Variants in EPM2A observed in about 807,000 individuals in gnomAD.
EPM2A encodes the protein laforin.
EPM2A carries 21 observed loss-of-function variants against 26.5 expected under a neutral mutation model. That is an observed-to-expected ratio of 0.79 (90% CI 0.56 to 1.14). EPM2A has a LOEUF of 1.14. Among genes scored for constraint, EPM2A ranks in the 50% most tolerant of loss-of-function variants. The pLI is 0.00. For missense variants in EPM2A, 458 were observed against 440.8 expected, an observed-to-expected ratio of 1.04 and a Z score of -0.35; for synonymous variants, 217 against 177.6, an observed-to-expected ratio of 1.22 and a Z score of -1.76.
intron 1 of EPM2A, among the ~76,000 whole-genome samples, chr6:145,703,026 C>T (rs1177971308): frequency 6.6e-6 from 1 of 151,824 alleles, no homozygotes; most frequent in East Asian, 1.9e-4. Context: ...GAATAGTGCT[C>T]ATCTTAAACA....
At chr6:145,535,934 G>C (rs998652798) in intron 2 of EPM2A, among the ~76,000 whole-genome samples, 14 of 152,240 alleles carry the variant, frequency 9.2e-5, no homozygotes, top group African/African-American at 3.1e-4. Context: ...GTTTAAGGTA[G>C]GGGAAAAAAT....
At chr6:145,473,501 A>T (rs1779503177) in intron 4 of EPM2A, among the ~76,000 whole-genome samples, 1 of 152,142 alleles carries the variant, frequency 6.6e-6, no homozygotes, top group Admixed American at 6.6e-5. Context: ...GTTTACTCAA[A>T]GGGATAATAA....
Position 145,664,038 on chromosome 6 carries a change from C to G in EPM2A, c.476+22084G>C, listed in dbSNP as rs1385480752. Among the ~76,000 whole-genome samples the G allele has an allele frequency of 1.8e-4, 15 of 81,896 alleles. 6 individuals carry two copies. The highest frequency in any genetic ancestry group is 3.5e-4 in the Non-Finnish European group (15 of 42,718). The allele number at this position is 81,896 out of a possible 152,430, so 53.7% of individuals were successfully genotyped here. On this transcript the variant is annotated intron_variant, in intron 2 of 3. Transcript: ENST00000367519. Reference sequence around the variant, plus strand: ...AGCGCTAAACATCGAAAGGAAAAACCGGTACCAGCCGCTGCAAAATCATGC... The same window carrying G: ...AGCGCTAAACATCGAAAGGAAAAACGGGTACCAGCCGCTGCAAAATCATGC...
At chr6:145,724,251 T>A (rs1776087165) in intron 1 of EPM2A, among the ~76,000 whole-genome samples, 1 of 151,968 alleles carries the variant, frequency 6.6e-6, no homozygotes, top group Non-Finnish European at 1.5e-5. Context: ...CAAACAAAAA[T>A]CAATAGATAC....
chr6:145,679,846 C>T (rs1295238455), intron 2 of EPM2A, among the ~76,000 whole-genome samples: 3 of 152,160 alleles, frequency 2.0e-5, no homozygotes, highest in Non-Finnish European at 4.4e-5. Flanking sequence ...CTTTAAACAT[C>T]TGCGAACTGT....
At chr6:145,392,315 A>G (rs1360800580) in intron 4 of EPM2A, among the ~76,000 whole-genome samples, 1 of 152,172 alleles carries the variant, frequency 6.6e-6, no homozygotes, top group Non-Finnish European at 1.5e-5. Context: ...GACAAATTCA[A>G]GGCTGAAGGA....
At chr6:145,634,254 T>C (rs888843632) in intron 3 of EPM2A, among the ~76,000 whole-genome samples, 1 of 152,166 alleles carries the variant, frequency 6.6e-6, no homozygotes, top group Non-Finnish European at 1.5e-5. Context: ...TAGTTATCTC[T>C]ACTCCTCTTC....
intron 2 of EPM2A, chr6:145,639,855 G>T (rs1776960994): frequency 6.6e-6 from 1 of 152,008 alleles, no homozygotes; most frequent in African/African-American, 2.4e-5. Flanking sequence ...TACTTTTGTA[G>T]AAAAAAAATT....
At chr6:145,416,108 G>C (rs542708910) in intron 4 of EPM2A, among the ~76,000 whole-genome samples, 106 of 152,178 alleles carry the variant, frequency 7.0e-4, no homozygotes, top group Non-Finnish European at 1.2e-3. Flanking sequence ...GGAGGTCATG[G>C]GTACACTTGT....
rs1204341505 is a variant in EPM2A, at chr6:145,527,050, T to C, written c.341-24475A>G. On this transcript the variant is annotated intron_variant, in intron 2 of 3. Transcript: ENST00000450221. ...CTTAAATTCATAGTTTACCCAAAAG[T>C]CATTCAAGAGCAAGTTGTTTAATTT... 2.6e-5 allele frequency among the ~76,000 whole-genome samples: 4 copies of C among 152,102 alleles called. No individual in the cohort carries two copies. In the East Asian group the frequency reaches 7.7e-4, roughly 29 times the overall value.
At chr6:145,514,449 A>C (rs1208667542) in intron 2 of EPM2A, among the ~76,000 whole-genome samples, 1 of 152,148 alleles carries the variant, frequency 6.6e-6, no homozygotes, top group Non-Finnish European at 1.5e-5. Flanking sequence ...ATCAGGAAAA[A>C]ACAAACAAAA....
chr6:145,546,755 A>G (rs979327576), intron 2 of EPM2A, among the ~76,000 whole-genome samples: 1 of 152,172 alleles, frequency 6.6e-6, no homozygotes, highest in Non-Finnish European at 1.5e-5. Context: ...TAATATAGAT[A>G]TAGACATATA....
At chr6:145,449,055 C>T (rs577870695) in intron 4 of EPM2A, among the ~76,000 whole-genome samples, 6 of 152,240 alleles carry the variant, frequency 3.9e-5, no homozygotes, top group African/African-American at 1.2e-4. Flanking sequence ...AGAAGCTTTG[C>T]GGGCTTCATG....
At chr6:145,696,441 C>T (rs754004811) in intron 1 of EPM2A, among the ~76,000 whole-genome samples, 18 of 152,128 alleles carry the variant, frequency 1.2e-4, no homozygotes, top group Admixed American at 1.2e-3. Flanking sequence ...TTTCTCTCCA[C>T]ATAAAATAAG....
chr6:145,627,231 A>G lies in EPM2A; in HGVS notation c.*185T>C, dbSNP rs1329700767. On this transcript the variant is annotated 3_prime_UTR_variant, in exon 4 of 4. Transcript: ENST00000367519. The stretch of plus-strand genomic sequence containing the variant: ...GTGTTGAGCCACAGCTTTCTTGTAG[A>G]GTATTTCAAAAATACAGCCCCAAAA... 4.7e-6 allele frequency: 7 copies of G among 1,487,720 alleles called. No individual in the cohort carries two copies. Among genetic ancestry groups the G allele is most frequent in the South Asian group, 1.4e-5 (1 of 72,622 alleles). The allele number at this position is 1,487,720 out of a possible 1,614,324, so 92.2% of individuals were successfully genotyped here.
intron 2 of EPM2A, among the ~76,000 whole-genome samples, chr6:145,597,050 G>A (rs916876066): frequency 4.0e-5 from 6 of 150,532 alleles, no homozygotes; most frequent in Admixed American, 1.3e-4. Context: ...GCCCGCCACC[G>A]CGCCTGGCTA....
At chr6:145,601,535 A>T (rs533433226) in intron 2 of EPM2A, among the ~76,000 whole-genome samples, 1 of 152,336 alleles carries the variant, frequency 6.6e-6, no homozygotes, top group African/African-American at 2.4e-5. Context: ...AGGAATATTC[A>T]TTCCTTTGTT....
At chr6:145,476,514 A>G (rs1464146622) in intron 4 of EPM2A, among the ~76,000 whole-genome samples, 1 of 152,050 alleles carries the variant, frequency 6.6e-6, no homozygotes, top group Non-Finnish European at 1.5e-5. Flanking sequence ...TTTTCTTAGC[A>G]CACATGGATC....
chr6:145,447,616 T>G (rs1387315228), intron 4 of EPM2A, among the ~76,000 whole-genome samples: 1 of 152,104 alleles, frequency 6.6e-6, no homozygotes, highest in African/African-American at 2.4e-5. Flanking sequence ...GAATATACAC[T>G]GAACAATAGA....
Sources: allele counts gnomAD v4.1 joint callset (sites outside exome capture counted in the v4.1 genomes callset), GRCh38; gene constraint gnomAD v4.1.1; transcripts MANE v1.5; gene names NCBI Gene and HGNC (gene_info 2026-07-23, HGNC 2026-07-21).